SMIM13: variants seen among roughly 807,000 people sequenced by gnomAD.
SMIM13 encodes the protein small integral membrane protein 13, also known as UPF0766 protein C6orf228.
SMIM13 carries 3 observed loss-of-function variants against 5.9 expected under a neutral mutation model. That is an observed-to-expected ratio of 0.51 (90% CI 0.23 to 1.31). The LOEUF (loss-of-function observed/expected upper bound fraction) is 1.31, where lower values mean the gene tolerates loss of function less well. SMIM13 is among the 40% of genes most tolerant of loss of function. The pLI is 0.18. For synonymous variants in SMIM13, 55 were observed against 46.0 expected, an observed-to-expected ratio of 1.19 and a Z score of -0.79; for missense variants, 85 against 109.9, an observed-to-expected ratio of 0.77 and a Z score of 1.01.
chr6:11,127,076 G>A (rs1424755703), intron 1 of SMIM13, among the ~76,000 whole-genome samples: 3 of 152,360 alleles, frequency 2.0e-5, no homozygotes, highest in African/African-American at 7.2e-5. Context: ...ACTGTGCTGA[G>A]TCAGACTCGA....
intron 1 of SMIM13, among the ~76,000 whole-genome samples, chr6:11,121,030 C>G (rs1023044513): frequency 2.0e-5 from 3 of 152,190 alleles, no homozygotes; most frequent in Non-Finnish European, 2.9e-5. Flanking sequence ...TGAAATTCAT[C>G]ATTTGAACAA....
chr6:11,113,012 G>T lies in SMIM13; in HGVS notation c.76+18623G>T, dbSNP rs1369518577. Among the ~76,000 whole-genome samples the T allele has an allele frequency of 2.0e-5, 3 of 151,970 alleles. No homozygotes were observed. The East Asian group carries it at 5.8e-4, about 29-fold the overall frequency. Reference sequence around the variant, plus strand: ...TATTATATATTTTTTTGTATTTTTAGTAGAGACGGGGTTTCACCATGTTGG... The same window carrying T: ...TATTATATATTTTTTTGTATTTTTATTAGAGACGGGGTTTCACCATGTTGG... On this transcript the variant is annotated intron_variant, in intron 1 of 1. Transcript: ENST00000416247.
Position 11,127,623 on chromosome 6 carries a change from AAG to A in SMIM13, c.77-6774_77-6773del, listed in dbSNP as rs371095178. Among the ~76,000 whole-genome samples the A allele has an allele frequency of 5.0e-3, 764 of 152,350 alleles. 1 individual carries two copies. Among genetic ancestry groups the A allele is most frequent in the South Asian group, 0.024 (116 of 4,830 alleles). ...TGTCTTACACGGATGGCAGCAGGCA[AAG>A]AGAGAATGAGGAAGACGCAAAAGTG... On this transcript the variant is annotated intron_variant, in intron 1 of 1. Coordinates refer to ENST00000416247, the MANE Select transcript of SMIM13 (RefSeq NM_001135575.2).
chr6:11,128,596 CT>C (rs1232990886), intron 1 of SMIM13, among the ~76,000 whole-genome samples: 1 of 152,136 alleles, frequency 6.6e-6, no homozygotes, highest in Non-Finnish European at 1.5e-5. Flanking sequence ...AGCACCAGGA[CT>C]TGTCTAGGAA....
At position 11,128,281 on chromosome 6, in the gene SMIM13, C is replaced by T. The variant is rs114012101; in HGVS notation, c.77-6122C>T. Among the ~76,000 whole-genome samples the T allele has an allele frequency of 5.9e-3, 896 of 152,240 alleles. 3 individuals carry two copies. The highest frequency in any genetic ancestry group is 0.024 in the South Asian group (116 of 4,824). ...GTCTTTCCATTCAAGGCAGCAGGTT[C>T]CTATCTGGCCCAGGGTGTATCTGGA... On this transcript the variant is annotated intron_variant, in intron 1 of 1. Coordinates refer to ENST00000416247, the MANE Select transcript of SMIM13 (RefSeq NM_001135575.2).
chr6:11,124,763 G>C (rs1221321534), intron 1 of SMIM13, among the ~76,000 whole-genome samples: 1 of 152,114 alleles, frequency 6.6e-6, no homozygotes, highest in Non-Finnish European at 1.5e-5. Context: ...TTTCTCTGAT[G>C]ATCAGTGATG....
chr6:11,116,978 G>GTTTTTTTTTTTTTTTTTTTTT (rs1561756849), intron 1 of SMIM13, among the ~76,000 whole-genome samples: 1 of 67,710 alleles, frequency 1.5e-5, no homozygotes, highest in Non-Finnish European at 3.0e-5. Flanking sequence ...AATGATAATT[G>GTTTTTTTTTTTTTTTTTTTTT]TTTCTTTTTT....
At chr6:11,126,133 T>C (rs1418148949) in intron 1 of SMIM13, among the ~76,000 whole-genome samples, 2 of 152,302 alleles carry the variant, frequency 1.3e-5, no homozygotes, top group Non-Finnish European at 1.5e-5. Flanking sequence ...CACCACAACC[T>C]CCGCCTCCCG....
rs1336535340 is a variant in SMIM13, at chr6:11,094,409, G to A, written c.76+20G>A. ...TGTGCGGTGAGTGGGGGCGGTAGCC[G>A]CGAGGCAGTTCCACACGCCGGGTCG... On this transcript the variant is annotated intron_variant, in intron 1 of 1. Coordinates refer to ENST00000416247, the MANE Select transcript of SMIM13 (RefSeq NM_001135575.2). 4 of 1,529,834 alleles carry A rather than the reference G, an allele frequency of 2.6e-6. No homozygotes were observed. In the Admixed American group the frequency reaches 7.9e-5, roughly 30 times the overall value. The allele number at this position is 1,529,834 out of a possible 1,614,324, so 94.8% of individuals were successfully genotyped here.
intron 1 of SMIM13, among the ~76,000 whole-genome samples, chr6:11,095,286 T>G (rs1050237719): frequency 1.3e-5 from 2 of 152,206 alleles, no homozygotes; most frequent in Non-Finnish European, 2.9e-5. Flanking sequence ...AGTGACGCTG[T>G]GGAATATATG....
intron 1 of SMIM13, among the ~76,000 whole-genome samples, chr6:11,107,138 A>T (rs1028000437): frequency 3.9e-5 from 6 of 152,182 alleles, no homozygotes; most frequent in African/African-American, 1.4e-4. Context: ...CATGTGGATT[A>T]TCTAGGAGCT....
In SMIM13 at chr6:11,105,102, G is replaced by A. The variant is rs375676990; in HGVS notation, c.76+10713G>A. The A allele has an allele frequency of 3.7e-6, 6 of 1,614,042 alleles. No homozygotes were observed. Among genetic ancestry groups the A allele is most frequent in the Admixed American group, 1.7e-5 (1 of 60,004 alleles). On this transcript the variant is annotated intron_variant, in intron 1 of 1. Transcript: ENST00000416247. ...CCATCGATAGGAAATATGTAATTCC[G>A]CCTCTATGCTTGTCCATTCTCTGGG...
In SMIM13 at chr6:11,138,370, A is replaced by G. The variant is rs1054128621; in HGVS notation, c.*3768A>G. On this transcript the variant is annotated 3_prime_UTR_variant, in exon 2 of 2. Transcript: ENST00000416247. Reference sequence around the variant, plus strand: ...TATGTCAATTAAAGTTACATTTTTCATTTGTTGGTGTACATGTGCTACCTG... The same window carrying G: ...TATGTCAATTAAAGTTACATTTTTCGTTTGTTGGTGTACATGTGCTACCTG... 1.2e-4 allele frequency: 18 copies of G among 152,138 alleles called. No homozygotes were observed. Among genetic ancestry groups the G allele is most frequent in the African/African-American group, 4.3e-4 (18 of 41,438 alleles). 9.4% of individuals were successfully genotyped at this position (152,138 alleles called of 1,614,324 possible).
In SMIM13 at chr6:11,104,623, A is replaced by G. The variant is rs145991850; in HGVS notation, c.76+10234A>G. 3.1e-4 allele frequency: 500 copies of G among 1,614,200 alleles called. 5 individuals carry two copies. In the East Asian group the frequency reaches 0.011, roughly 35 times the overall value. On this transcript the variant is annotated intron_variant, in intron 1 of 1. Transcript: ENST00000416247. Reference sequence around the variant, plus strand: ...AAAAGAGAATTTCGAGTTTGGTCCAATAGAACCCATTCCGCTGTAGAGCTG... The same window carrying G: ...AAAAGAGAATTTCGAGTTTGGTCCAGTAGAACCCATTCCGCTGTAGAGCTG...
At chr6:11,107,094 C>T (rs1477350251) in intron 1 of SMIM13, among the ~76,000 whole-genome samples, 2 of 152,182 alleles carry the variant, frequency 1.3e-5, no homozygotes, top group Non-Finnish European at 2.9e-5. Context: ...AGCTCTATCC[C>T]TGACAAAGCT....
chr6:11,103,558 G>A, intron 1 of SMIM13: 11 of 1,318,686 alleles, frequency 8.3e-6, no homozygotes, highest in Non-Finnish European at 1.1e-5. Context: ...TGTTCTGTGG[G>A]TCTTGGCCTC....
chr6:11,122,418 C>A (rs1349386178), intron 1 of SMIM13, among the ~76,000 whole-genome samples: 1 of 152,244 alleles, frequency 6.6e-6, no homozygotes, highest in Admixed American at 6.5e-5. Flanking sequence ...TGTGACCCTA[C>A]CTTGCTCCGA....
intron 1 of SMIM13, among the ~76,000 whole-genome samples, chr6:11,117,409 T>G (rs1407258597): frequency 1.3e-5 from 2 of 151,362 alleles, no homozygotes; most frequent in Non-Finnish European, 2.9e-5. Context: ...TCTCTTGACC[T>G]CGTGATCCGC....
intron 1 of SMIM13, chr6:11,105,227 A>G (rs1206422266): frequency 6.2e-7 from 1 of 1,614,146 alleles, no homozygotes; most frequent in South Asian, 1.1e-5. Context: ...GCAGTTGCTG[A>G]GCTTTTTCCA....
Sources: allele counts gnomAD v4.1 joint callset (sites outside exome capture counted in the v4.1 genomes callset), GRCh38; gene constraint gnomAD v4.1.1; transcripts MANE v1.5; gene names NCBI Gene and HGNC (gene_info 2026-07-23, HGNC 2026-07-21).